ZNF148: variants seen among roughly 807,000 people sequenced by gnomAD.
ZNF148 encodes the protein zinc finger protein 148, also known as Beta-Enolase Repressor Factor-1.
In ZNF148, 7 loss-of-function variants were observed where a neutral mutation model predicts 67.7. That is an observed-to-expected ratio of 0.10 (90% CI 0.06 to 0.19). ZNF148 has a LOEUF of 0.19. Ranked by LOEUF, ZNF148 falls within the 10% of genes least tolerant of loss-of-function variation. The probability of loss-of-function intolerance (pLI) is 1.00; values close to 1 mark genes in which losing one functional copy is unlikely to be tolerated. For synonymous variants in ZNF148, 333 were observed against 330.7 expected (o/e 1.01, Z -0.08); for missense variants, 583 against 947.1 (o/e 0.62, Z 5.05).
At chr3:125,289,793 A>G (rs1579716430) in intron 4 of ZNF148, among the ~76,000 whole-genome samples, 1 of 152,214 alleles carries the variant, frequency 6.6e-6, no homozygotes, top group South Asian at 2.1e-4. Context: ...GCAAGTGTCA[A>G]GAAGAGTGTA....
intron 4 of ZNF148, among the ~76,000 whole-genome samples, chr3:125,300,664 G>A (rs1939537726): frequency 6.6e-6 from 1 of 152,176 alleles, no homozygotes; most frequent in Non-Finnish European, 1.5e-5. Context: ...AATTACACAT[G>A]CCTGAAATAT....
At chr3:125,356,189 A>G (rs1247927007) in intron 1 of ZNF148, among the ~76,000 whole-genome samples, 3 of 152,220 alleles carry the variant, frequency 2.0e-5, no homozygotes, top group African/African-American at 4.8e-5. Context: ...GTGTGGAGAA[A>G]TTACTTTTAA....
At chr3:125,308,526 T>TA (rs202081671) in intron 4 of ZNF148, among the ~76,000 whole-genome samples, 2,139 of 40,376 alleles carry the variant, frequency 0.053, 57 homozygotes, top group African/African-American at 0.19. Context: ...GACTTTTCTA[T>TA]AAAAAAAAAA....
intron 7 of ZNF148, among the ~76,000 whole-genome samples, chr3:125,252,865 T>G (rs1936906149): frequency 6.6e-6 from 1 of 152,092 alleles, no homozygotes; most frequent in Admixed American, 6.5e-5. Flanking sequence ...GTAATATATG[T>G]AGGTCTGTTT....
intron 1 of ZNF148, among the ~76,000 whole-genome samples, chr3:125,333,160 A>C (rs949342279): frequency 6.6e-6 from 1 of 152,218 alleles, no homozygotes; most frequent in Non-Finnish European, 1.5e-5. Flanking sequence ...CATTCCGTTG[A>C]AAACATTTTC....
At chr3:125,347,874 G>A (rs965088584) in intron 1 of ZNF148, among the ~76,000 whole-genome samples, 1 of 152,144 alleles carries the variant, frequency 6.6e-6, no homozygotes, top group Non-Finnish European at 1.5e-5. Flanking sequence ...AGTAGAGAAA[G>A]AAGTCTTTTC....
chr3:125,332,328 A>AT (rs1483659790), intron 1 of ZNF148, among the ~76,000 whole-genome samples: 1 of 152,210 alleles, frequency 6.6e-6, no homozygotes, highest in Non-Finnish European at 1.5e-5. Flanking sequence ...AAGCATATAC[A>AT]TGTCATTCCT....
intron 1 of ZNF148, among the ~76,000 whole-genome samples, chr3:125,331,459 A>G (rs1941288949): frequency 6.6e-6 from 1 of 152,240 alleles, no homozygotes; most frequent in Non-Finnish European, 1.5e-5. Flanking sequence ...TGACTCACAT[A>G]CAAATTGGAC....
chr3:125,373,380 C>G (rs1015125480), intron 1 of ZNF148, among the ~76,000 whole-genome samples: 1 of 151,604 alleles, frequency 6.6e-6, no homozygotes, highest in Non-Finnish European at 1.5e-5. Context: ...TGTGAGCCAC[C>G]GCGCCCAGCT....
rs3030721 is a variant in ZNF148, at chr3:125,310,073, A to AT, written c.333+3234dup. 3.1e-3 allele frequency among the ~76,000 whole-genome samples: 427 copies of AT among 137,412 alleles called. 2 individuals carry two copies. Among genetic ancestry groups the AT allele is most frequent in the South Asian group, 9.0e-3 (39 of 4,316 alleles). The allele number at this position is 137,412 out of a possible 152,430, so 90.1% of individuals were successfully genotyped here. A position where few individuals can be genotyped will look rare whatever the true frequency, so the allele number is the denominator to read the frequency against. On this transcript the variant is annotated intron_variant, in intron 4 of 8. Transcript: ENST00000360647. ...CTTCTAAACAATAATGGTTCAAAGAATTTTTTTTTTTTTTTTTTTTTTTAA... is the reference window on the plus strand; with the variant it reads ...CTTCTAAACAATAATGGTTCAAAGAATTTTTTTTTTTTTTTTTTTTTTTTAA...
chr3:125,274,797 C>T (rs1937958187), intron 7 of ZNF148, among the ~76,000 whole-genome samples: 1 of 152,138 alleles, frequency 6.6e-6, no homozygotes, highest in South Asian at 2.1e-4. Context: ...ATGGTTTTCA[C>T]CAACCTTTGA....
chr3:125,374,741 T>A (rs1943006997), intron 1 of ZNF148, among the ~76,000 whole-genome samples: 1 of 151,264 alleles, frequency 6.6e-6, no homozygotes, highest in Non-Finnish European at 1.5e-5. Flanking sequence ...AGCCCTGGTG[T>A]CTCCCTAGCC....
chr3:125,250,625 A>C (rs1191649952), intron 7 of ZNF148, among the ~76,000 whole-genome samples: 1 of 152,240 alleles, frequency 6.6e-6, no homozygotes, highest in East Asian at 1.9e-4. Context: ...GCAAGTATTA[A>C]GTTGTTACTA....
At chr3:125,264,805 G>C (rs979612351) in intron 7 of ZNF148, among the ~76,000 whole-genome samples, 6 of 152,158 alleles carry the variant, frequency 3.9e-5, no homozygotes, top group Non-Finnish European at 8.8e-5. Flanking sequence ...GAGTATGATA[G>C]TAGTATTCCT....
intron 1 of ZNF148, among the ~76,000 whole-genome samples, chr3:125,372,613 T>A (rs1187308953): frequency 6.6e-6 from 1 of 152,204 alleles, no homozygotes; most frequent in Non-Finnish European, 1.5e-5. Context: ...GGAACTGCAA[T>A]AGGCAGGTGA....
Position 125,370,102 on chromosome 3 carries a change from T to TA in ZNF148, c.-234+4999dup, listed in dbSNP as rs534108771. Among the ~76,000 whole-genome samples the TA allele has an allele frequency of 1.5e-3, 225 of 146,064 alleles. 2 individuals carry two copies. The highest frequency in any genetic ancestry group is 7.2e-3 in the Middle Eastern group (2 of 278). On this transcript the variant is annotated intron_variant, in intron 1 of 8. Transcript: ENST00000360647. ...CTAAAACAGTCATTTATGCCTGAGG[T>TA]AAAAAAAAAAAATCTAAATTAAACC...
rs576420316 is a variant in ZNF148, at chr3:125,326,802, TTA to T, written c.-152-3360_-152-3359del. ...TATATACATACATCAAGATATCTTT[TTA>T]TATATGTAAAGATATATATCTTTTT... is the stretch of plus-strand genomic sequence containing the variant. On this transcript the variant is annotated intron_variant, in intron 2 of 8. Coordinates refer to ENST00000360647, the MANE Select transcript of ZNF148 (RefSeq NM_021964.3). Among the ~76,000 whole-genome samples, 334 of 147,522 alleles carry T rather than the reference TTA, an allele frequency of 2.3e-3. No homozygotes were observed. In the Middle Eastern group the frequency reaches 0.025, roughly 11 times the overall value.
At chr3:125,246,327 GCAT>G (rs1445172130) in intron 7 of ZNF148, among the ~76,000 whole-genome samples, 3 of 152,012 alleles carry the variant, frequency 2.0e-5, no homozygotes, top group Non-Finnish European at 4.4e-5. Context: ...AAATTTTCAA[GCAT>G]CATAACTATT....
chr3:125,336,991 A>C (rs1941525067), intron 1 of ZNF148, among the ~76,000 whole-genome samples: 1 of 149,306 alleles, frequency 6.7e-6, no homozygotes, highest in African/African-American at 2.5e-5. Flanking sequence ...CACCCTTCTT[A>C]AGCCATTTTC....
Sources: allele counts gnomAD v4.1 joint callset (sites outside exome capture counted in the v4.1 genomes callset), GRCh38; gene constraint gnomAD v4.1.1; transcripts MANE v1.5; gene names NCBI Gene and HGNC (gene_info 2026-07-23, HGNC 2026-07-21).